Variants in NAALADL2 observed in about 807,000 individuals in gnomAD.
The protein encoded by NAALADL2 is inactive N-acetylated-alpha-linked acidic dipeptidase-like protein 2.
NAALADL2 carries 76 observed loss-of-function variants against 87.2 expected under a neutral mutation model. The observed-to-expected ratio is 0.87, with a 90% CI of 0.72 to 1.05. The LOEUF is 1.05. NAALADL2 is among the 50% of genes least tolerant of loss of function. NAALADL2 has a pLI of 0.00. For synonymous variants in NAALADL2, 354 were observed against 331.0 expected (o/e 1.07, Z -0.75); for missense variants, 1,089 against 945.8 (o/e 1.15, Z -1.99).
chr3:175,004,377 A>C (rs1309519941), intron 1 of NAALADL2, among the ~76,000 whole-genome samples: 5 of 72,256 alleles, frequency 6.9e-5, no homozygotes, highest in South Asian at 4.7e-4. Flanking sequence ...AGACTATTTC[A>C]AAAAAAAAAA....
At chr3:175,245,596 T>C (rs1560223302) in intron 3 of NAALADL2, among the ~76,000 whole-genome samples, 1 of 152,328 alleles carries the variant, frequency 6.6e-6, no homozygotes, top group East Asian at 1.9e-4. Context: ...TATTGAAACA[T>C]AGTCACTGTG....
chr3:175,254,117 G>A (rs772735625), intron 3 of NAALADL2, among the ~76,000 whole-genome samples: 1 of 152,106 alleles, frequency 6.6e-6, no homozygotes, highest in Admixed American at 6.6e-5. Flanking sequence ...TGGGTAAAAT[G>A]CTATCAAACA....
In NAALADL2 at chr3:174,862,698, T is replaced by C. The variant is rs192121171; in HGVS notation, c.43+3248T>C. 8.5e-4 allele frequency among the ~76,000 whole-genome samples: 129 copies of C among 152,214 alleles called. 1 individual carries two copies. The highest frequency in any genetic ancestry group is 2.1e-4 in the South Asian group (1 of 4,830). On this transcript the variant is annotated intron_variant, in intron 1 of 13. Transcript: ENST00000454872. ...ATATACTAATTGGCCCTTGAGATAA[T>C]TGAATAAAAAGTATTTCTGAGTTTA...
chr3:175,116,105 G>A (rs1029989360), intron 2 of NAALADL2, among the ~76,000 whole-genome samples: 15 of 151,978 alleles, frequency 9.9e-5, no homozygotes, highest in Admixed American at 9.2e-4. Context: ...AGCTAGTTAT[G>A]ACAAACCCAC....
intron 3 of NAALADL2, among the ~76,000 whole-genome samples, chr3:175,236,147 T>A (rs907423390): frequency 6.6e-6 from 1 of 152,102 alleles, no homozygotes; most frequent in Non-Finnish European, 1.5e-5. Flanking sequence ...TTTCTATGAC[T>A]CCTTTATACT....
intron 1 of NAALADL2, among the ~76,000 whole-genome samples, chr3:174,969,950 G>C (rs1475258149): frequency 6.6e-6 from 1 of 152,194 alleles, no homozygotes; most frequent in African/African-American, 2.4e-5. Context: ...AATATGTCAT[G>C]TGTCTTGGAT....
rs73032308 is a variant in NAALADL2 at position 175,012,541 on chromosome 3, A to G, written c.44-84249A>G. On this transcript the variant is annotated intron_variant, in intron 1 of 13. Coordinates refer to ENST00000454872, the MANE Select transcript of NAALADL2 (RefSeq NM_207015.3). ...ATGTAGTTACTATCTTCAGTAAAAT[A>G]ATTTTTTTATTTTTGATATTAACGT... Among the ~76,000 whole-genome samples, 407 of 152,226 alleles carry G rather than the reference A, an allele frequency of 2.7e-3. 5 individuals are homozygous for G. Among genetic ancestry groups the G allele is most frequent in the African/African-American group, 9.5e-3 (396 of 41,560 alleles).
intron 11 of NAALADL2, among the ~76,000 whole-genome samples, chr3:175,637,601 G>A (rs1015608804): frequency 4.6e-5 from 7 of 152,052 alleles, no homozygotes; most frequent in African/African-American, 1.7e-4. Flanking sequence ...TTGCTCTCTT[G>A]CTTGCTCTCA....
intron 1 of NAALADL2, among the ~76,000 whole-genome samples, chr3:174,497,322 A>T (rs1455883425): frequency 2.0e-5 from 3 of 151,978 alleles, no homozygotes; most frequent in Non-Finnish European, 2.9e-5. Flanking sequence ...AGCTTAGAAG[A>T]TTTTCCTCTG....
chr3:175,619,530 C>G (rs1725908454), intron 10 of NAALADL2, among the ~76,000 whole-genome samples: 1 of 150,868 alleles, frequency 6.6e-6, no homozygotes, highest in African/African-American at 2.4e-5. Flanking sequence ...GAAATAGCCT[C>G]TTGCTCTATG....
At chr3:174,878,630 T>G (rs1461310747) in intron 1 of NAALADL2, among the ~76,000 whole-genome samples, 1 of 152,054 alleles carries the variant, frequency 6.6e-6, no homozygotes, top group Non-Finnish European at 1.5e-5. Flanking sequence ...CTCTTGAATT[T>G]TTTTCTTGTT....
intron 1 of NAALADL2, among the ~76,000 whole-genome samples, chr3:174,898,140 A>AG (rs1731832515): frequency 7.5e-6 from 1 of 132,588 alleles, no homozygotes; most frequent in Non-Finnish European, 1.5e-5. Context: ...AAAAAAAAAA[A>AG]AAAGAAAAAA....
At chr3:175,246,949 G>T (rs1309375261) in intron 3 of NAALADL2, among the ~76,000 whole-genome samples, 1 of 152,128 alleles carries the variant, frequency 6.6e-6, no homozygotes, top group African/African-American at 2.4e-5. Flanking sequence ...CAGTCTTGTG[G>T]TCTCAAGAGT....
intron 2 of NAALADL2, among the ~76,000 whole-genome samples, chr3:174,671,027 G>A (rs1726479570): frequency 6.6e-6 from 1 of 151,978 alleles, no homozygotes; most frequent in Admixed American, 6.6e-5. Flanking sequence ...GTAAAATGTG[G>A]CTGCTTCCCC....
At chr3:175,738,550 T>C (rs1744832383) in intron 12 of NAALADL2, among the ~76,000 whole-genome samples, 1 of 151,474 alleles carries the variant, frequency 6.6e-6, no homozygotes, top group Non-Finnish European at 1.5e-5. Flanking sequence ...CCTGGCCCCC[T>C]TTTTTTTTCT....
chr3:174,783,072 A>G (rs1334740538), intron 3 of NAALADL2, among the ~76,000 whole-genome samples: 2 of 152,156 alleles, frequency 1.3e-5, no homozygotes, highest in Non-Finnish European at 2.9e-5. Context: ...GTAAAGATAC[A>G]CTGGACATAC....
At chr3:174,815,568 A>G (rs377656719) in intron 3 of NAALADL2, among the ~76,000 whole-genome samples, 2 of 152,152 alleles carry the variant, frequency 1.3e-5, no homozygotes, top group East Asian at 3.9e-4. Flanking sequence ...AGCTAGGACT[A>G]CAGAAGCCTG....
intron 1 of NAALADL2, among the ~76,000 whole-genome samples, chr3:174,887,278 C>T (rs912230899): frequency 9.2e-5 from 14 of 152,014 alleles, no homozygotes; most frequent in Non-Finnish European, 1.8e-4. Context: ...TTAACCTTAT[C>T]AATGTCATTA....
upstream of NAALADL2, among the ~76,000 whole-genome samples, chr3:174,858,637 A>G (rs1167850732): frequency 6.6e-6 from 1 of 152,090 alleles, no homozygotes; most frequent in African/African-American, 2.4e-5. Context: ...GCTGCAGTTC[A>G]GCATTCATTC....
Sources: gnomAD v4.1 joint callset for allele counts (sites outside exome capture counted in the v4.1 genomes callset) on GRCh38, gnomAD v4.1.1 for gene constraint, MANE v1.5 for transcripts, NCBI Gene and HGNC (gene_info 2026-07-23, HGNC 2026-07-21) for gene names.